The following GIP variants were observed in gnomAD, a reference collection of about 807,000 sequenced individuals.
GIP encodes glucose-dependent insulinotropic polypeptide.
Under a neutral mutation model 18.1 loss-of-function variants are expected in GIP, and 16 were observed. That is an observed-to-expected ratio of 0.88 (90% CI 0.60 to 1.34). The LOEUF (loss-of-function observed/expected upper bound fraction) is 1.34. Ranked by LOEUF, GIP falls within the 40% of genes most tolerant of loss-of-function variation. GIP has a pLI of 0.00. For missense variants in GIP, 192 were observed against 183.4 expected (o/e 1.05, Z -0.27); for synonymous variants, 76 against 74.0 (o/e 1.03, Z -0.14).
At chr17:48,964,768 G>A (rs552819041) in intron 2 of GIP, among the ~76,000 whole-genome samples, 1 of 152,268 alleles carries the variant, frequency 6.6e-6, no homozygotes, top group African/African-American at 2.4e-5. Context: ...GGCCAAGGCA[G>A]GCGGATCACC....
chr17:48,967,352 C>A, intron 1 of GIP, 99 bp from the exon 2 acceptor site: 2 of 715,606 alleles, frequency 2.8e-6, no homozygotes, highest in Non-Finnish European at 2.3e-6. Flanking sequence ...CCTTTCTTTT[C>A]CTTTTTCTTT....
intron 5 of GIP, among the ~76,000 whole-genome samples, chr17:48,959,664 G>A (rs1298930078): frequency 6.6e-6 from 1 of 152,226 alleles, no homozygotes; most frequent in African/African-American, 2.4e-5. Context: ...AAGGAAACAT[G>A]CCTCTAACTA....
At chr17:48,967,352 CCTTT>C in intron 1 of GIP, 99 bp from the exon 2 acceptor site, 1 of 715,610 alleles carries the variant, frequency 1.4e-6, no homozygotes, top group South Asian at 1.7e-5. Flanking sequence ...CCTTTCTTTT[CCTTT>C]TTCTTTTTTT....
At chr17:48,961,431 T>A (rs949045629) in intron 4 of GIP, among the ~76,000 whole-genome samples, 2 of 152,112 alleles carry the variant, frequency 1.3e-5, no homozygotes, top group South Asian at 4.1e-4. Flanking sequence ...ACCTGAGGTC[T>A]CTTCTTTCCT....
intron 5 of GIP, among the ~76,000 whole-genome samples, chr17:48,959,825 TCAG>T (rs553611225): frequency 5.4e-5 from 5 of 92,006 alleles, no homozygotes; most frequent in African/African-American, 1.8e-4. Flanking sequence ...CAGGATGGGC[TCAG>T]CTCGGTGGGT....
chr17:48,966,042 G>A (rs934768493), intron 2 of GIP, among the ~76,000 whole-genome samples: 1 of 151,954 alleles, frequency 6.6e-6, no homozygotes, highest in African/African-American at 2.4e-5. Flanking sequence ...GGTGGATCAC[G>A]AGGTCAGGAG....
At chr17:48,965,096 G>T (rs7220461) in intron 2 of GIP, among the ~76,000 whole-genome samples, 2 of 141,540 alleles carry the variant, frequency 1.4e-5, no homozygotes, top group African/African-American at 5.5e-5. Context: ...CTGAGATTGC[G>T]CCAGTGCACT....
rs2041230637 is a variant in GIP at position 48,965,398 on chromosome 17, AT to A, written c.87-919del. ...GGTGGGTGGATCACAAAGTCAGGAG[AT>A]TGAGACCATCCTGGCTAACATGGTG... On this transcript the variant is annotated intron_variant, in intron 2 of 5. Coordinates refer to ENST00000357424, the MANE Select transcript of GIP (RefSeq NM_004123.3). 2.0e-5 allele frequency among the ~76,000 whole-genome samples: 3 copies of A among 149,324 alleles called. No individual in the cohort carries two copies. The East Asian group carries it at 6.0e-4, about 30-fold the overall frequency.
chr17:48,961,106 G>T, intron 4 of GIP, 119 bp from the exon 5 acceptor site: 1 of 635,060 alleles, frequency 1.6e-6, no homozygotes, highest in Non-Finnish European at 2.7e-6. Flanking sequence ...AGCCGACACA[G>T]CTATCTCTCC....
At chr17:48,961,864 A>G (rs1448363451) in intron 3 of GIP, 45 bp from the exon 4 acceptor site, 2 of 1,342,480 alleles carry the variant, frequency 1.5e-6, no homozygotes, top group Non-Finnish European at 2.1e-6. Context: ...CGGAGACTCC[A>G]GTCTAGGGAC....
intron 2 of GIP, among the ~76,000 whole-genome samples, chr17:48,964,823 G>A (rs2041225839): frequency 6.6e-6 from 1 of 152,112 alleles, no homozygotes; most frequent in South Asian, 2.1e-4. Context: ...GAGAAATCCC[G>A]TCTCTACTAA....
At chr17:48,967,103 C>G in intron 2 of GIP, 44 bp downstream of exon 2, 2 of 1,407,694 alleles carry the variant, frequency 1.4e-6, no homozygotes, top group Non-Finnish European at 2.0e-6. Flanking sequence ...CTGTCATCCC[C>G]TAACCCCTCC....
chr17:48,967,404 G>A (rs2041241138), intron 1 of GIP, among the ~76,000 whole-genome samples, 151 bp from the exon 2 acceptor site: 2 of 145,706 alleles, frequency 1.4e-5, no homozygotes, highest in African/African-American at 5.3e-5. Context: ...CTGTCGTCCA[G>A]GTGGGAGTGC....
At chr17:48,961,677 G>T in intron 4 of GIP, 50 bp downstream of exon 4, 1 of 1,144,868 alleles carries the variant, frequency 8.7e-7, no homozygotes, top group Non-Finnish European at 1.3e-6. Context: ...AAGAGGTGGG[G>T]GCGGGGCAGG....
chr17:48,967,002 C>G (rs531890500), intron 2 of GIP, 145 bp downstream of exon 2: 1 of 627,592 alleles, frequency 1.6e-6, no homozygotes, highest in South Asian at 1.9e-5. Flanking sequence ...ACTTTGCACT[C>G]ACGCTGCCGG....
chr17:48,967,960 G>A (rs9901810), intron 1 of GIP, among the ~76,000 whole-genome samples: 81,653 of 151,114 alleles, frequency 0.54, 23,659 homozygotes, highest in African/African-American at 0.76. Context: ...GCTGAGGCAT[G>A]AGAATCGCTT....
intron 2 of GIP, among the ~76,000 whole-genome samples, chr17:48,965,302 A>G (rs1378985225): frequency 5.6e-5 from 1 of 17,748 alleles, no homozygotes; most frequent in Non-Finnish European, 1.4e-4. Flanking sequence ...ACTTCGTCTC[A>G]ATAAAAAAAA....
At chr17:48,961,640 C>A (rs2041200799) in intron 4 of GIP, 87 bp downstream of exon 4, 9 of 813,448 alleles carry the variant, frequency 1.1e-5, no homozygotes, top group Non-Finnish European at 1.9e-5. Context: ...GGTCCTTGCT[C>A]TGCTCTGGGG....
chr17:48,960,852 G>A, intron 5 of GIP, 34 bp downstream of exon 5: 2 of 1,331,552 alleles, frequency 1.5e-6, no homozygotes, highest in Non-Finnish European at 2.1e-6. Flanking sequence ...CCAAGCTCAA[G>A]TTAGAACCGC....
Sources: gnomAD v4.1 joint callset for allele counts (sites outside exome capture counted in the v4.1 genomes callset) on GRCh38, gnomAD v4.1.1 for gene constraint, MANE v1.5 for transcripts, NCBI Gene and HGNC (gene_info 2026-07-23, HGNC 2026-07-21) for gene names.